SLC39A12: variants seen among roughly 807,000 people sequenced by gnomAD.
The protein encoded by SLC39A12 is zinc transporter ZIP12.
A neutral mutation model predicts 71.1 loss-of-function variants in SLC39A12; 63 were observed. The ratio of observed to expected loss-of-function variants is 0.89; its 90% CI spans 0.72 to 1.09. The LOEUF is 1.09. Among genes scored for constraint, SLC39A12 ranks in the 50% least tolerant of loss-of-function variants. The pLI is 0.00. For synonymous variants in SLC39A12, 351 were observed against 301.3 expected (o/e 1.16, Z -1.71); for missense variants, 892 against 812.6 (o/e 1.10, Z -1.19).
At chr10:18,040,194 A>G (rs1837181641) in intron 12 of SLC39A12, among the ~76,000 whole-genome samples, 2 of 152,192 alleles carry the variant, frequency 1.3e-5, no homozygotes, top group Admixed American at 1.3e-4. Flanking sequence ...ATTTTCCAAA[A>G]TGGCATTTTG....
chr10:18,042,664 A>G (rs1397206993), intron 12 of SLC39A12, 41 bp from the exon 13 acceptor site: 6 of 1,575,940 alleles, frequency 3.8e-6, no homozygotes, highest in Non-Finnish European at 4.3e-6. Context: ...CAGCAGTTGA[A>G]TATATCTGGA....
chr10:18,038,099 TA>T (rs141397286), intron 12 of SLC39A12, among the ~76,000 whole-genome samples: 3 of 139,558 alleles, frequency 2.1e-5, no homozygotes, highest in Admixed American at 7.4e-5. Flanking sequence ...TTATTTCGAT[TA>T]AAAAAAAATA....
intron 10 of SLC39A12, among the ~76,000 whole-genome samples, chr10:18,000,132 C>T (rs1404459853): frequency 6.6e-6 from 1 of 152,156 alleles, no homozygotes; most frequent in Non-Finnish European, 1.5e-5. Flanking sequence ...TAGATGGCGC[C>T]TTCCTGCAGT....
chr10:17,999,294 CA>C (rs59734258), intron 10 of SLC39A12, among the ~76,000 whole-genome samples: 818 of 70,302 alleles, frequency 0.012, 3 homozygotes, highest in African/African-American at 0.055. Flanking sequence ...GACTCCATCT[CA>C]AAAAAAAAAA....
intron 7 of SLC39A12, 130 bp downstream of exon 7, chr10:17,987,781 A>C: frequency 1.0e-6 from 1 of 953,036 alleles, no homozygotes; most frequent in Non-Finnish European, 1.6e-6. Flanking sequence ...TTTCCTTAAA[A>C]AGAAATATTA....
chr10:17,972,193 G>T (rs1834992180), intron 4 of SLC39A12, among the ~76,000 whole-genome samples: 1 of 152,150 alleles, frequency 6.6e-6, no homozygotes, highest in Non-Finnish European at 1.5e-5. Context: ...GGTCAGAGAA[G>T]ATGCTTGATG....
intron 2 of SLC39A12, among the ~76,000 whole-genome samples, chr10:17,959,690 G>A (rs1834637411): frequency 6.6e-6 from 1 of 152,146 alleles, no homozygotes; most frequent in Non-Finnish European, 1.5e-5. Context: ...AACTGTCTCT[G>A]CAGAAAGGCA....
Position 17,974,937 on chromosome 10 carries a change from G to A in SLC39A12, c.752-2965G>A, listed in dbSNP as rs906287552. 3.5e-4 allele frequency among the ~76,000 whole-genome samples: 53 copies of A among 152,258 alleles called. 1 individual carries two copies. The highest frequency in any genetic ancestry group is 1.2e-3 in the African/African-American group (49 of 41,544). ...TCAAAACCTTAGAAGTCTACCTGGT[G>A]TTCTACCGTATTGCAGCTGAATTGG... is the stretch of plus-strand genomic sequence containing the variant. On this transcript the variant is annotated intron_variant, in intron 4 of 12. Coordinates refer to ENST00000377369, the MANE Select transcript of SLC39A12 (RefSeq NM_001145195.2).
chr10:17,989,332 A>T (rs896668311), intron 7 of SLC39A12, among the ~76,000 whole-genome samples: 1 of 152,266 alleles, frequency 6.6e-6, no homozygotes, highest in African/African-American at 2.4e-5. Context: ...TAAAACCATT[A>T]TGAGTTTTAA....
chr10:18,036,566 T>C (rs1837028825), intron 12 of SLC39A12, among the ~76,000 whole-genome samples: 2 of 151,704 alleles, frequency 1.3e-5, no homozygotes, highest in Admixed American at 6.6e-5. Flanking sequence ...CCTAGTGAGA[T>C]GAACCCAGTA....
intron 12 of SLC39A12, among the ~76,000 whole-genome samples, chr10:18,036,794 A>ATATATATAT (rs1554855475): frequency 9.7e-5 from 9 of 92,880 alleles, no homozygotes; most frequent in Non-Finnish European, 1.7e-4. Context: ...ATATATATAT[A>ATATATATAT]TTTTTTTTTT....
Position 17,973,880 on chromosome 10 carries a change from T to A in SLC39A12, c.752-4022T>A, listed in dbSNP as rs1835037950. Among the ~76,000 whole-genome samples, 4 of 148,216 alleles carry A rather than the reference T, an allele frequency of 2.7e-5. No homozygotes were observed. The Admixed American group carries it at 2.8e-4, about 10-fold the overall frequency. The stretch of plus-strand genomic sequence containing the variant: ...AGGCCAATAACTCAGATTTGCTAGA[T>A]TCAGTAGTCGTGCTTTATTTTTTTT... On this transcript the variant is annotated intron_variant, in intron 4 of 12. Coordinates refer to ENST00000377369, the MANE Select transcript of SLC39A12 (RefSeq NM_001145195.2).
At chr10:17,986,628 T>C (rs1334403460) in intron 6 of SLC39A12, among the ~76,000 whole-genome samples, 2 of 152,350 alleles carry the variant, frequency 1.3e-5, no homozygotes, top group Non-Finnish European at 2.9e-5. Flanking sequence ...TTTCAACATG[T>C]GAATTTTGCG....
chr10:18,041,456 A>G (rs1837221572), intron 12 of SLC39A12, among the ~76,000 whole-genome samples: 1 of 150,254 alleles, frequency 6.7e-6, no homozygotes, highest in African/African-American at 2.5e-5. Context: ...AGATCCCACC[A>G]CTGCACTCCA....
chr10:18,000,853 C>T (rs2130842524), intron 11 of SLC39A12, 28 bp downstream of exon 11: 1 of 1,603,116 alleles, frequency 6.2e-7, no homozygotes, highest in South Asian at 1.1e-5. Flanking sequence ...ATTACTGTTT[C>T]TGGCCTGTTG....
chr10:17,958,769 A>C, intron 2 of SLC39A12, among the ~76,000 whole-genome samples: 1 of 152,238 alleles, frequency 6.6e-6, no homozygotes, highest in Non-Finnish European at 1.5e-5. Flanking sequence ...TACCGTACAC[A>C]AATGTATCCA....
At chr10:17,963,280 A>G (rs1336379836) in intron 3 of SLC39A12, among the ~76,000 whole-genome samples, 6 of 152,222 alleles carry the variant, frequency 3.9e-5, no homozygotes, top group Non-Finnish European at 7.3e-5. Context: ...CATCTGTGTA[A>G]TCCAAGTTTG....
At chr10:17,993,548 A>G (rs563525405) in intron 9 of SLC39A12, among the ~76,000 whole-genome samples, 3 of 152,356 alleles carry the variant, frequency 2.0e-5, no homozygotes, top group Non-Finnish European at 4.4e-5. Context: ...GACTGACATC[A>G]TAGACACGTC....
At chr10:17,997,423 T>C (rs1232393285) in intron 10 of SLC39A12, among the ~76,000 whole-genome samples, 2 of 152,196 alleles carry the variant, frequency 1.3e-5, no homozygotes, top group Non-Finnish European at 2.9e-5. Flanking sequence ...CTAGTAATAT[T>C]TTTCCTTCTA....
Sources: allele counts gnomAD v4.1 joint callset (sites outside exome capture counted in the v4.1 genomes callset), GRCh38; gene constraint gnomAD v4.1.1; transcripts MANE v1.5; gene names NCBI Gene and HGNC (gene_info 2026-07-23, HGNC 2026-07-21).